The following PUM2 variants were observed in gnomAD, a reference collection of about 807,000 sequenced individuals.
The protein encoded by PUM2 is pumilio RNA binding family member 2, also known as pumilio homolog 2.
PUM2 carries 57 observed loss-of-function variants against 124.5 expected under a neutral mutation model. The ratio of observed to expected loss-of-function variants is 0.46; its 90% CI spans 0.37 to 0.57. The LOEUF (loss-of-function observed/expected upper bound fraction) is 0.57. PUM2 is among the 20% of genes least tolerant of loss of function. PUM2 has a pLI of 0.00. For missense variants in PUM2, 1,065 were observed against 1,290.6 expected (o/e 0.83, Z 2.68); for synonymous variants, 460 against 446.1 (o/e 1.03, Z -0.39).
chr2:20,318,639 G>A lies in PUM2; in HGVS notation c.58C>T (p.Pro20Ser), dbSNP rs1681564576. Residue 20 changes from proline to serine, a missense_variant, in exon 3 of 21, where the codon CCT (proline) becomes TCT (serine). By Grantham distance (74) the Pro-to-Ser change is moderately conservative. Around this residue, in one of 3 missense-constraint regions of PUM2, gnomAD observed 90 missense variants for 103.6 expected, o/e 0.87. Coordinates refer to ENST00000361078, the MANE Select transcript of PUM2 (RefSeq NM_015317.5). ...LESRGMGELL[P>S]TKKFWEPDDS... Reference sequence around the variant, plus strand: ...TCAGGTTCCCAAAACTTTTTGGTAGGCAAAAGCTATTTGGAGGAAAAATTA... The same window carrying A: ...TCAGGTTCCCAAAACTTTTTGGTAGACAAAAGCTATTTGGAGGAAAAATTA... 1 of 1,610,018 alleles carries A rather than the reference G, an allele frequency of 6.2e-7. No homozygotes were observed. Among genetic ancestry groups the A allele is most frequent in the Non-Finnish European group, 8.5e-7 (1 of 1,177,598 alleles).
At chr2:20,265,917 C>T (rs550202434) in intron 13 of PUM2, among the ~76,000 whole-genome samples, 1 of 152,166 alleles carries the variant, frequency 6.6e-6, no homozygotes, top group Non-Finnish European at 1.5e-5. Context: ...TACGTACTCA[C>T]CCCAGGAAAT....
At chr2:20,329,997 GATAA>G (rs1047026801) in intron 1 of PUM2, among the ~76,000 whole-genome samples, 2 of 147,362 alleles carry the variant, frequency 1.4e-5, no homozygotes, top group African/African-American at 5.0e-5. Context: ...CCAGAGGAAA[GATAA>G]ATAAGAAAAA....
chr2:20,295,090 T>G (rs896283354), intron 8 of PUM2, among the ~76,000 whole-genome samples: 1 of 152,130 alleles, frequency 6.6e-6, no homozygotes, highest in African/African-American at 2.4e-5. Flanking sequence ...CGTCAGCATT[T>G]ATGTGGTTAG....
At chr2:20,266,269 C>T (rs933086491) in intron 13 of PUM2, among the ~76,000 whole-genome samples, 2 of 151,918 alleles carry the variant, frequency 1.3e-5, no homozygotes, top group Admixed American at 1.3e-4. Context: ...ATGGCAAAAC[C>T]CCATCTCTAC....
intron 2 of PUM2, among the ~76,000 whole-genome samples, chr2:20,323,595 T>C (rs1170917032): frequency 3.3e-5 from 5 of 152,262 alleles, no homozygotes; most frequent in Admixed American, 2.0e-4. Context: ...TCAAATATTA[T>C]ATTATTCACT....
chr2:20,288,254 G>A (rs1448005405), intron 10 of PUM2, among the ~76,000 whole-genome samples: 3 of 152,144 alleles, frequency 2.0e-5, no homozygotes, highest in Non-Finnish European at 2.9e-5. Context: ...TGATAAAAAA[G>A]CAATGAGAGG....
chr2:20,293,064 T>C (rs959697253), intron 9 of PUM2, among the ~76,000 whole-genome samples: 1 of 152,196 alleles, frequency 6.6e-6, no homozygotes, highest in Non-Finnish European at 1.5e-5. Flanking sequence ...GAAGCCTTAA[T>C]AAGAGTAAAA....
chr2:20,264,120 C>T (rs370830940), intron 13 of PUM2, among the ~76,000 whole-genome samples: 11 of 150,946 alleles, frequency 7.3e-5, no homozygotes, highest in African/African-American at 2.2e-4. Context: ...GGGCGGATCA[C>T]GAGGTCAGGA....
intron 14 of PUM2, among the ~76,000 whole-genome samples, chr2:20,261,011 T>C (rs929940983): frequency 4.6e-5 from 7 of 152,114 alleles, no homozygotes; most frequent in African/African-American, 1.7e-4. Context: ...TAAATTCCTA[T>C]TGGGTAGGAA....
chr2:20,351,365 G>A (rs956516020), upstream of PUM2, among the ~76,000 whole-genome samples: 10 of 152,190 alleles, frequency 6.6e-5, no homozygotes, highest in Admixed American at 5.9e-4. Context: ...AGATGCATCT[G>A]GGGGTGGAAG....
intron 14 of PUM2, 50 bp from the exon 15 acceptor site, chr2:20,260,516 A>AGT: frequency 6.8e-7 from 1 of 1,475,796 alleles, no homozygotes; most frequent in Non-Finnish European, 9.4e-7. Flanking sequence ...AATACACTTG[A>AGT]GTATTACACC....
chr2:20,302,109 T>C (rs566632143), intron 7 of PUM2, among the ~76,000 whole-genome samples: 2 of 152,372 alleles, frequency 1.3e-5, no homozygotes, highest in African/African-American at 4.8e-5. Flanking sequence ...CGTCTCACTA[T>C]GTTGCAGAGT....
intron 1 of PUM2, among the ~76,000 whole-genome samples, chr2:20,337,332 T>G (rs1205024971): frequency 6.6e-6 from 1 of 152,192 alleles, no homozygotes; most frequent in East Asian, 1.9e-4. Flanking sequence ...TAAGTCCTCA[T>G]CAGTAAAAGC....
chr2:20,325,360 A>T (rs1683416392), intron 2 of PUM2, among the ~76,000 whole-genome samples: 1 of 152,184 alleles, frequency 6.6e-6, no homozygotes, highest in African/African-American at 2.4e-5. Context: ...TCCATATCTG[A>T]CATGTCCAAT....
intron 2 of PUM2, among the ~76,000 whole-genome samples, chr2:20,321,003 T>C (rs1682203588): frequency 6.6e-6 from 1 of 152,196 alleles, no homozygotes; most frequent in South Asian, 2.1e-4. Flanking sequence ...TTGTAATAAC[T>C]AATAAAGCAT....
At chr2:20,329,449 A>G (rs1684429793) in intron 1 of PUM2, among the ~76,000 whole-genome samples, 1 of 151,770 alleles carries the variant, frequency 6.6e-6, no homozygotes, top group Non-Finnish European at 1.5e-5. Context: ...AAAAAAAAAA[A>G]AAGAAAAGAC....
chr2:20,274,690 T>C (rs1008331845), intron 13 of PUM2, among the ~76,000 whole-genome samples: 1 of 151,580 alleles, frequency 6.6e-6, no homozygotes, highest in Non-Finnish European at 1.5e-5. Context: ...AGTTCAAAAA[T>C]GAAGAGGTAC....
rs567004327 is a variant in PUM2, at chr2:20,342,511, T to C, written c.-19+8086A>G. On this transcript the variant is annotated intron_variant, in intron 1 of 20. Transcript: ENST00000361078. ...TGTAAATGTTAACACAAATACATTT[T>C]ATGTAGTGTTTCTAGTCATTTCCAA... 7.8e-4 allele frequency among the ~76,000 whole-genome samples: 119 copies of C among 152,346 alleles called. 2 individuals are homozygous for C. Among genetic ancestry groups the C allele is most frequent in the Admixed American group, 1.6e-3 (24 of 15,306 alleles).
chr2:20,350,628 G>C lies in PUM2; in HGVS notation c.-50C>G, dbSNP rs1689171952. 37 of 985,408 alleles carry C rather than the reference G, an allele frequency of 3.8e-5. No individual in the cohort carries two copies. Among genetic ancestry groups the C allele is most frequent in the South Asian group, 4.7e-5 (1 of 21,294 alleles). The allele number at this position is 985,408 out of a possible 1,614,324, so 61.0% of individuals were successfully genotyped here. ...GCTGCGGCCGCGCTGCCTCAGCCGG[G>C]GACACCGACCGTTGGGCACACGGCG... On this transcript the variant is annotated 5_prime_UTR_variant, in exon 1 of 21. Transcript: ENST00000361078.
Sources: gnomAD v4.1 joint callset for allele counts (sites outside exome capture counted in the v4.1 genomes callset) on GRCh38, gnomAD v4.1.1 for gene constraint, gnomAD v4.1.1 regional missense constraint, MANE v1.5 for transcripts, NCBI Gene and HGNC (gene_info 2026-07-23, HGNC 2026-07-21) for gene names.